C8orf34: variants seen among roughly 807,000 people sequenced by gnomAD.
The protein encoded by C8orf34 is uncharacterized protein C8orf34.
In C8orf34, 65 loss-of-function variants were observed where a neutral mutation model predicts 68.3. That is an observed-to-expected ratio of 0.95 (90% CI 0.78 to 1.17). The LOEUF (loss-of-function observed/expected upper bound fraction) is 1.17. Among genes scored for constraint, C8orf34 ranks in the 50% most tolerant of loss-of-function variants. The pLI, the probability that C8orf34 is intolerant of heterozygous loss-of-function variation, is 0.00. For missense variants in C8orf34, 664 were observed against 655.4 expected (o/e 1.01, Z -0.14); for synonymous variants, 244 against 241.2 (o/e 1.01, Z -0.11).
chr8:68,446,178 T>A (rs1811113495), intron 2 of C8orf34, 151 bp from the exon 3 acceptor site: 2 of 607,042 alleles, frequency 3.3e-6, no homozygotes, highest in Non-Finnish European at 5.8e-6. Flanking sequence ...CAGATGAAAT[T>A]AAACAAGTAA....
chr8:68,515,606 C>T (rs1204577788), intron 5 of C8orf34, among the ~76,000 whole-genome samples: 1 of 152,144 alleles, frequency 6.6e-6, no homozygotes, highest in African/African-American at 2.4e-5. Context: ...GAGCCACAAT[C>T]ATCTCATTAA....
At chr8:68,590,192 A>G (rs1219624143) in intron 7 of C8orf34, among the ~76,000 whole-genome samples, 2 of 139,428 alleles carry the variant, frequency 1.4e-5, no homozygotes, top group Non-Finnish European at 3.1e-5. Context: ...AGAAAGGAAG[A>G]GAGAAAGGGG....
chr8:68,548,388 T>C (rs1277504879), intron 7 of C8orf34, among the ~76,000 whole-genome samples: 1 of 151,802 alleles, frequency 6.6e-6, no homozygotes, highest in Non-Finnish European at 1.5e-5. Flanking sequence ...TAATAGGCAC[T>C]TCTCAAAAGA....
intron 7 of C8orf34, among the ~76,000 whole-genome samples, chr8:68,617,241 A>G (rs1487813009): frequency 6.6e-6 from 1 of 152,114 alleles, no homozygotes; most frequent in Admixed American, 6.5e-5. Flanking sequence ...ACTCTATCCA[A>G]TTTGCCAGTC....
At chr8:68,654,208 C>T (rs904791876) in intron 8 of C8orf34, among the ~76,000 whole-genome samples, 1 of 152,068 alleles carries the variant, frequency 6.6e-6, no homozygotes, top group Non-Finnish European at 1.5e-5. Context: ...CTATAAGGAA[C>T]AGAACATCAC....
chr8:68,807,463 G>GT (rs975712767), intron 12 of C8orf34, among the ~76,000 whole-genome samples: 3 of 151,974 alleles, frequency 2.0e-5, no homozygotes, highest in Admixed American at 6.5e-5. Context: ...TTGACTTGTA[G>GT]TTTTTTTATA....
At chr8:68,744,376 T>C (rs536853326) in intron 10 of C8orf34, among the ~76,000 whole-genome samples, 1 of 152,332 alleles carries the variant, frequency 6.6e-6, no homozygotes, top group South Asian at 2.1e-4. Context: ...GGAACAAAGC[T>C]GGACGGAGAA....
intron 8 of C8orf34, among the ~76,000 whole-genome samples, chr8:68,702,020 A>G (rs1563618434): frequency 2.6e-5 from 4 of 151,872 alleles, no homozygotes; most frequent in Non-Finnish European, 5.9e-5. Context: ...GACCCTCCTT[A>G]TATGTCTTCT....
chr8:68,389,143 C>T (rs1808377840), intron 1 of C8orf34, among the ~76,000 whole-genome samples: 1 of 152,068 alleles, frequency 6.6e-6, no homozygotes, highest in African/African-American at 2.4e-5. Context: ...CCTGTCTCTG[C>T]TAGAAAATGT....
rs1805578273 is a variant in C8orf34, at chr8:68,331,324, CG to C, written c.314del (p.Gly105ValfsTer7). 1 of 1,536,360 alleles carries C rather than the reference CG, an allele frequency of 6.5e-7. No individual in the cohort carries two copies. Among genetic ancestry groups the C allele is most frequent in the Non-Finnish European group, 8.7e-7 (1 of 1,147,006 alleles). On this transcript the variant is annotated frameshift_variant, in exon 1 of 14. Transcript: ENST00000518698. LOFTEE classifies it high-confidence loss of function. ...IQAYLEKNKI[G>X]PLFEELMTKL... ...AGGCTTACCTGGAGAAGAACAAGAT[CG>C]GTCCCCTGTTTGAGGTAAGGCGCTG... is the stretch of plus-strand genomic sequence containing the variant.
In C8orf34 at chr8:68,818,988, G is replaced by C. The variant is rs1350979651; in HGVS notation, c.*742G>C. On this transcript the variant is annotated 3_prime_UTR_variant, in exon 14 of 14. Transcript: ENST00000518698. The stretch of plus-strand genomic sequence containing the variant: ...GGAATGTGTTATGCATTGATGTTAA[G>C]TGAATGGATCTAAGTAAATCTATTG... 6.6e-6 allele frequency: 1 copy of C among 152,090 alleles called. No homozygotes were observed. Among genetic ancestry groups the C allele is most frequent in the Admixed American group, 6.5e-5 (1 of 15,270 alleles). The allele number at this position is 152,090 out of a possible 1,614,324, so 9.4% of individuals were successfully genotyped here. A position where few individuals can be genotyped will look rare whatever the true frequency, so the allele number is the denominator to read the frequency against.
At chr8:68,418,530 T>G (rs947965954) in intron 1 of C8orf34, among the ~76,000 whole-genome samples, 2 of 152,174 alleles carry the variant, frequency 1.3e-5, no homozygotes, top group African/African-American at 4.8e-5. Flanking sequence ...GTCAAAGGCC[T>G]TTTCTGCATC....
chr8:68,399,828 A>AT (rs1428888292), intron 1 of C8orf34, among the ~76,000 whole-genome samples: 4 of 151,858 alleles, frequency 2.6e-5, no homozygotes, highest in African/African-American at 4.8e-5. Context: ...TCTGTTATTT[A>AT]TTTTTTTACT....
At chr8:68,571,904 A>G (rs558398043) in intron 7 of C8orf34, among the ~76,000 whole-genome samples, 17 of 152,278 alleles carry the variant, frequency 1.1e-4, no homozygotes, top group Non-Finnish European at 2.1e-4. Flanking sequence ...ATGGGGATGC[A>G]TTCTGAGAAA....
intron 1 of C8orf34, among the ~76,000 whole-genome samples, chr8:68,391,949 C>T (rs1390520682): frequency 1.3e-5 from 2 of 152,054 alleles, no homozygotes; most frequent in Non-Finnish European, 2.9e-5. Context: ...AGAAAGAGGA[C>T]CATTAGGAAA....
chr8:68,629,000 AC>A (rs759716992), intron 7 of C8orf34, among the ~76,000 whole-genome samples: 33 of 152,180 alleles, frequency 2.2e-4, no homozygotes, highest in Non-Finnish European at 1.9e-4. Flanking sequence ...ATGTTTAAAA[AC>A]AAATTACTGC....
chr8:68,362,099 C>G (rs1014868620), intron 1 of C8orf34, among the ~76,000 whole-genome samples: 1 of 152,092 alleles, frequency 6.6e-6, no homozygotes, highest in African/African-American at 2.4e-5. Context: ...TTGAATTGTA[C>G]AAATTTATGT....
chr8:68,552,774 C>G (rs1816116188), intron 7 of C8orf34, among the ~76,000 whole-genome samples: 2 of 151,926 alleles, frequency 1.3e-5, no homozygotes, highest in Non-Finnish European at 2.9e-5. Context: ...GTTGTTGAAT[C>G]ATAAAGATGT....
chr8:68,693,316 T>TG (rs1371601752), intron 8 of C8orf34, among the ~76,000 whole-genome samples: 10 of 152,048 alleles, frequency 6.6e-5, no homozygotes, highest in African/African-American at 2.4e-4. Context: ...TAGGGCCCAG[T>TG]GGAAGTGATG....
Sources: gnomAD v4.1 joint callset for allele counts (sites outside exome capture counted in the v4.1 genomes callset) on GRCh38, gnomAD v4.1.1 for gene constraint, MANE v1.5 for transcripts, NCBI Gene and HGNC (gene_info 2026-07-23, HGNC 2026-07-21) for gene names.